SLC35E3: variants seen among roughly 807,000 people sequenced by gnomAD.
SLC35E3 encodes solute carrier family 35 member E3.
A neutral mutation model predicts 30.8 loss-of-function variants in SLC35E3; 28 were observed. That is an observed-to-expected ratio of 0.91 (90% confidence interval 0.67 to 1.25). The LOEUF is 1.25. Among genes scored for constraint, SLC35E3 ranks in the 50% most tolerant of loss-of-function variants. The pLI is 0.00. For synonymous variants in SLC35E3, 146 were observed against 149.2 expected (o/e 0.98, Z 0.16); for missense variants, 365 against 375.4 (o/e 0.97, Z 0.23).
At chr12:68,758,632 G>A (rs926783265) in intron 3 of SLC35E3, among the ~76,000 whole-genome samples, 2 of 148,374 alleles carry the variant, frequency 1.3e-5, no homozygotes, top group South Asian at 2.1e-4. Flanking sequence ...AGTATTTTTC[G>A]TTGATTCTTG....
In SLC35E3 at chr12:68,764,871, A is replaced by C; in HGVS notation, c.923A>C (p.Lys308Thr). The C allele has an allele frequency of 6.2e-7, 1 of 1,614,002 alleles. No individual in the cohort carries two copies. The highest frequency in any genetic ancestry group is 8.5e-7 in the Non-Finnish European group (1 of 1,179,962). The change falls in exon 5 of 5, where the codon AAA becomes ACA. Residue 308 changes from lysine to threonine, a missense_variant. By Grantham distance (78) the Lys-to-Thr change is moderately conservative. Coordinates refer to ENST00000398004, the MANE Select transcript of SLC35E3 (RefSeq NM_018656.5). ...AGTGAACAGGAAGGAAGTAGGAGTA[A>C]ACTGGCACAACGTCCTTAATTGGGT... ...KLSEQEGSRS[K>T]LAQRP
At chr12:68,763,551 G>A (rs181099168) in intron 4 of SLC35E3, among the ~76,000 whole-genome samples, 6 of 152,114 alleles carry the variant, frequency 3.9e-5, no homozygotes, top group Non-Finnish European at 7.4e-5. Flanking sequence ...CACCACGCCC[G>A]GCTAATTTTG....
At chr12:68,762,405 G>A (rs944615762) in intron 4 of SLC35E3, among the ~76,000 whole-genome samples, 2 of 152,100 alleles carry the variant, frequency 1.3e-5, no homozygotes, top group Admixed American at 1.3e-4. Flanking sequence ...AGGAGGAGGA[G>A]GCGGGGTCGG....
chr12:68,770,166 G>A lies in SLC35E3; in HGVS notation c.*5276G>A, dbSNP rs1355821700. On this transcript the variant is annotated 3_prime_UTR_variant, in exon 5 of 5. Transcript: ENST00000398004. The stretch of plus-strand genomic sequence containing the variant: ...CAAATGCCTAGTGGTTGGAGGAATT[G>A]TGATGCTTTTAAAGAACTGTAAAAA... The A allele has an allele frequency of 1.3e-5, 2 of 152,190 alleles. No individual in the cohort carries two copies. The highest frequency in any genetic ancestry group is 2.9e-5 in the Non-Finnish European group (2 of 68,076). The allele number at this position is 152,190 out of a possible 1,614,324, so 9.4% of individuals were successfully genotyped here.
At chr12:68,759,806 A>C (rs926053276) in intron 4 of SLC35E3, among the ~76,000 whole-genome samples, 1 of 152,234 alleles carries the variant, frequency 6.6e-6, no homozygotes, top group Non-Finnish European at 1.5e-5. Flanking sequence ...TTCCCTTACA[A>C]AAATTAACTC....
rs1448387970 is a variant in SLC35E3, at chr12:68,771,793, GC to G, written c.*6905del. The G allele has an allele frequency of 6.6e-6, 1 of 152,264 alleles. No homozygotes were observed. Among genetic ancestry groups the G allele is most frequent in the Non-Finnish European group, 1.5e-5 (1 of 68,068 alleles). 9.4% of individuals were successfully genotyped at this position (152,264 alleles called of 1,614,324 possible). On this transcript the variant is annotated 3_prime_UTR_variant, in exon 5 of 5. Coordinates refer to ENST00000398004, the MANE Select transcript of SLC35E3 (RefSeq NM_018656.5). ...CACTGGGACTTCCAGTCCAGACTCTGCCATTCACTGGTATAGCCTTTGGCAA... is the reference window on the plus strand; with the variant it reads ...CACTGGGACTTCCAGTCCAGACTCTGCATTCACTGGTATAGCCTTTGGCAA...
rs1033354175 is a variant in SLC35E3 at position 68,780,337 on chromosome 12, T to G, written c.*15447T>G. The G allele has an allele frequency of 3.3e-5, 5 of 151,516 alleles. No individual in the cohort carries two copies. Among genetic ancestry groups the G allele is most frequent in the Admixed American group, 6.6e-5 (1 of 15,210 alleles). 9.4% of individuals were successfully genotyped at this position (151,516 alleles called of 1,614,324 possible). A position where few individuals can be genotyped will look rare whatever the true frequency, so the allele number is the denominator to read the frequency against. On this transcript the variant is annotated 3_prime_UTR_variant, in exon 5 of 5. Transcript: ENST00000398004. The stretch of plus-strand genomic sequence containing the variant: ...GCATGCACCACCACACCTGGCTAAT[T>G]TTTTTATATTTTGTTTGTAGAGATG...
In SLC35E3 at chr12:68,779,087, C is replaced by T. The variant is rs1879818221; in HGVS notation, c.*14197C>T. ...CCAGACTGCATTCCAGCCTGGGCGACAGAACAAGACTCTGTCTCAAAAACA... is the reference window on the plus strand; with the variant it reads ...CCAGACTGCATTCCAGCCTGGGCGATAGAACAAGACTCTGTCTCAAAAACA... On this transcript the variant is annotated 3_prime_UTR_variant, in exon 5 of 5. Coordinates refer to ENST00000398004, the MANE Select transcript of SLC35E3 (RefSeq NM_018656.5). The T allele has an allele frequency of 6.6e-6, 1 of 152,236 alleles. No homozygotes were observed. The highest frequency in any genetic ancestry group is 2.1e-4 in the South Asian group (1 of 4,822). The allele number at this position is 152,236 out of a possible 1,614,324, so 9.4% of individuals were successfully genotyped here.
intron 3 of SLC35E3, 75 bp from the exon 4 acceptor site, chr12:68,759,082 C>T (rs186129429): frequency 1.7e-5 from 18 of 1,087,104 alleles, no homozygotes; most frequent in East Asian, 2.4e-5. Context: ...TTTAAAATGC[C>T]GAATGAAATG....
intron 4 of SLC35E3, among the ~76,000 whole-genome samples, chr12:68,763,523 G>A (rs560351595): frequency 1.6e-4 from 25 of 152,034 alleles, no homozygotes; most frequent in South Asian, 4.2e-4. Flanking sequence ...CCGAGTAGCC[G>A]GTATTACAGG....
At chr12:68,755,608 C>T (rs1457714928) in intron 3 of SLC35E3, among the ~76,000 whole-genome samples, 1 of 152,124 alleles carries the variant, frequency 6.6e-6, no homozygotes, top group Non-Finnish European at 1.5e-5. Context: ...TTAGTGCTGG[C>T]ATCTACTTCT....
At chr12:68,762,865 G>A (rs1879270249) in intron 4 of SLC35E3, among the ~76,000 whole-genome samples, 1 of 152,188 alleles carries the variant, frequency 6.6e-6, no homozygotes, top group Admixed American at 6.5e-5. Flanking sequence ...CTCTCCTGAG[G>A]CACTGCTGCT....
chr12:68,746,343 T>C lies in SLC35E3; in HGVS notation c.-35T>C, dbSNP rs767998299. 112 of 1,529,874 alleles carry C rather than the reference T, an allele frequency of 7.3e-5. No homozygotes were observed. Among genetic ancestry groups the C allele is most frequent in the Non-Finnish European group, 9.8e-5 (112 of 1,142,112 alleles). 94.8% of individuals were successfully genotyped at this position (1,529,874 alleles called of 1,614,324 possible). A position where few individuals can be genotyped will look rare whatever the true frequency, so the allele number is the denominator to read the frequency against. On this transcript the variant is annotated 5_prime_UTR_variant, in exon 1 of 5. Transcript: ENST00000398004. ...CAGCCGGAGACAGGCCCGGCGCCCC[T>C]TCCGAGGCTAGACGGCCCCAGCTTC...
At chr12:68,763,846 C>T (rs1360343412) in intron 4 of SLC35E3, among the ~76,000 whole-genome samples, 1 of 152,206 alleles carries the variant, frequency 6.6e-6, no homozygotes, top group African/African-American at 2.4e-5. Flanking sequence ...CATGTTTGGA[C>T]TCCACCTCTG....
In SLC35E3 at chr12:68,767,016, T is replaced by C. The variant is rs1225718544; in HGVS notation, c.*2126T>C. The C allele has an allele frequency of 5.8e-6, 1 of 172,144 alleles. No homozygotes were observed. The highest frequency in any genetic ancestry group is 1.3e-5 in the Non-Finnish European group (1 of 78,454). 10.7% of individuals were successfully genotyped at this position (172,144 alleles called of 1,614,324 possible). A position where few individuals can be genotyped will look rare whatever the true frequency, so the allele number is the denominator to read the frequency against. On this transcript the variant is annotated 3_prime_UTR_variant, in exon 5 of 5. Transcript: ENST00000398004. ...TGGAGTGAACTACATCCAACCTTTC[T>C]AAGGTGGCTGGGGAAAATTCTTGTA...
intron 3 of SLC35E3, among the ~76,000 whole-genome samples, chr12:68,756,859 A>C (rs1019965728): frequency 6.6e-6 from 1 of 152,024 alleles, no homozygotes; most frequent in African/African-American, 2.4e-5. Flanking sequence ...AAAATACAAA[A>C]ACAAAATTAG....
At chr12:68,750,521 C>T (rs1878749813) in intron 2 of SLC35E3, among the ~76,000 whole-genome samples, 1 of 152,240 alleles carries the variant, frequency 6.6e-6, no homozygotes, top group Admixed American at 6.5e-5. Flanking sequence ...CACAGGGAGT[C>T]TGGACATGTC....
In SLC35E3 at chr12:68,777,318, T is replaced by A. The variant is rs895695964; in HGVS notation, c.*12428T>A. 8.5e-5 allele frequency: 13 copies of A among 152,180 alleles called. No homozygotes were observed. Among genetic ancestry groups the A allele is most frequent in the African/African-American group, 3.1e-4 (13 of 41,450 alleles). 9.4% of individuals were successfully genotyped at this position (152,180 alleles called of 1,614,324 possible). A position where few individuals can be genotyped will look rare whatever the true frequency, so the allele number is the denominator to read the frequency against. On this transcript the variant is annotated 3_prime_UTR_variant, in exon 5 of 5. Transcript: ENST00000398004. ...ACTTTTCAGCCAAGCACAGTGCTAT[T>A]CTTCTGAAATCATAACATCATGAGG...
chr12:68,746,808 G>A (rs1878598933), intron 1 of SLC35E3, 29 bp downstream of exon 1: 2 of 1,536,712 alleles, frequency 1.3e-6, no homozygotes, highest in African/African-American at 1.4e-5. Context: ...CCAAGGCGCC[G>A]CTCTCCCGAC....
Sources: gnomAD v4.1 joint callset for allele counts (sites outside exome capture counted in the v4.1 genomes callset) on GRCh38, gnomAD v4.1.1 for gene constraint, MANE v1.5 for transcripts, NCBI Gene and HGNC (gene_info 2026-07-23, HGNC 2026-07-21) for gene names.